The following DPP10 variants were observed in gnomAD, a reference collection of about 807,000 sequenced individuals.
DPP10 encodes dipeptidyl peptidase like 10.
Under a neutral mutation model 120.9 loss-of-function variants are expected in DPP10, and 33 were observed. That is an observed-to-expected ratio of 0.27 (90% CI 0.21 to 0.37). The LOEUF is 0.37. Among genes scored for constraint, DPP10 ranks in the 10% least tolerant of loss-of-function variants. The pLI, the probability that DPP10 is intolerant of heterozygous loss-of-function variation, is 1.00. For missense variants in DPP10, 816 were observed against 942.8 expected (o/e 0.87, Z 1.76); for synonymous variants, 337 against 326.1 (o/e 1.03, Z -0.36).
intron 1 of DPP10, among the ~76,000 whole-genome samples, chr2:115,264,045 A>G (rs973908515): frequency 6.6e-6 from 1 of 152,204 alleles, no homozygotes; most frequent in Non-Finnish European, 1.5e-5. Flanking sequence ...TCCATAGTAA[A>G]TACTCAATAG....
chr2:114,529,100 C>T (rs1162221012), intron 1 of DPP10, among the ~76,000 whole-genome samples: 1 of 152,078 alleles, frequency 6.6e-6, no homozygotes, highest in Non-Finnish European at 1.5e-5. Context: ...TTTGTCAGCT[C>T]TTCTGGTTGC....
intron 1 of DPP10, among the ~76,000 whole-genome samples, chr2:114,791,071 T>C (rs139973885): frequency 1.7e-3 from 265 of 152,304 alleles, no homozygotes; most frequent in African/African-American, 6.1e-3. Context: ...ACTATTCTGG[T>C]ATAAAATATA....
intron 3 of DPP10, among the ~76,000 whole-genome samples, chr2:115,471,910 C>G (rs910688816): frequency 2.0e-5 from 3 of 152,046 alleles, no homozygotes; most frequent in African/African-American, 7.2e-5. Context: ...TGAGCCACTT[C>G]ACTCAGCCAG....
At chr2:115,095,576 TTTTTTTTTG>T (rs1559088412) in intron 1 of DPP10, among the ~76,000 whole-genome samples, 2 of 92,504 alleles carry the variant, frequency 2.2e-5, no homozygotes, top group African/African-American at 7.4e-5. Context: ...TCTGTTTGGT[TTTTTTTTTG>T]TTTTTTTTTT....
chr2:114,911,724 AG>A (rs1050343974), intron 1 of DPP10, among the ~76,000 whole-genome samples: 1 of 152,228 alleles, frequency 6.6e-6, no homozygotes, highest in African/African-American at 2.4e-5. Context: ...AGGAACTGAG[AG>A]AAAGATAAAT....
intron 7 of DPP10, among the ~76,000 whole-genome samples, chr2:115,711,561 T>C (rs980737770): frequency 6.6e-6 from 1 of 152,078 alleles, no homozygotes; most frequent in African/African-American, 2.4e-5. Flanking sequence ...CAATGGAGAT[T>C]TGAAGTGCTA....
chr2:115,179,693 A>G (rs1055606612), intron 1 of DPP10, among the ~76,000 whole-genome samples: 7 of 152,120 alleles, frequency 4.6e-5, no homozygotes, highest in Admixed American at 2.6e-4. Context: ...TGTGTCCTTA[A>G]CTCCTCATAT....
chr2:115,210,558 G>T (rs2056443589), intron 1 of DPP10, among the ~76,000 whole-genome samples: 2 of 152,022 alleles, frequency 1.3e-5, no homozygotes, highest in South Asian at 4.1e-4. Flanking sequence ...TGGGTCAAAT[G>T]GTATTTCTAG....
chr2:115,180,883 A>G (rs1031491489), intron 1 of DPP10, among the ~76,000 whole-genome samples: 1 of 150,626 alleles, frequency 6.6e-6, no homozygotes, highest in African/African-American at 2.4e-5. Context: ...TCTTGATTAT[A>G]ATGATGCTCT....
chr2:114,980,732 A>G (rs1700031223), intron 1 of DPP10, among the ~76,000 whole-genome samples: 1 of 151,994 alleles, frequency 6.6e-6, no homozygotes, highest in Non-Finnish European at 1.5e-5. Context: ...TCCAACTCTT[A>G]ACAATAATGA....
At chr2:114,795,294 C>T (rs1683607432) in intron 1 of DPP10, among the ~76,000 whole-genome samples, 1 of 150,726 alleles carries the variant, frequency 6.6e-6, no homozygotes, top group African/African-American at 2.4e-5. Context: ...ACCAACCTAG[C>T]CAACATGGTG....
chr2:114,583,027 C>A (rs544816752), intron 1 of DPP10, among the ~76,000 whole-genome samples: 101 of 152,260 alleles, frequency 6.6e-4, no homozygotes, highest in Middle Eastern at 3.4e-3. Flanking sequence ...AACAAGTTCC[C>A]AGGTAACAGG....
intron 1 of DPP10, among the ~76,000 whole-genome samples, chr2:115,096,454 G>A (rs1219071621): frequency 1.3e-5 from 2 of 152,144 alleles, no homozygotes; most frequent in Non-Finnish European, 2.9e-5. Context: ...CTTAAGTGAA[G>A]AATGGAGAGA....
intron 1 of DPP10, among the ~76,000 whole-genome samples, chr2:114,686,085 G>A (rs1050700057): frequency 3.9e-5 from 6 of 152,022 alleles, no homozygotes; most frequent in Non-Finnish European, 8.8e-5. Context: ...CATGCAGGCT[G>A]CTTGCTTTCT....
chr2:114,528,501 G>A (rs1685693603), intron 1 of DPP10, among the ~76,000 whole-genome samples: 1 of 151,922 alleles, frequency 6.6e-6, no homozygotes, highest in Non-Finnish European at 1.5e-5. Context: ...TCAAGGCAGG[G>A]ACTGCACTAT....
intron 3 of DPP10, among the ~76,000 whole-genome samples, chr2:115,435,156 A>G (rs1362526170): frequency 6.6e-6 from 1 of 151,748 alleles, no homozygotes; most frequent in African/African-American, 2.4e-5. Flanking sequence ...AAGAGTGCAG[A>G]TATCTCTTCA....
intron 1 of DPP10, among the ~76,000 whole-genome samples, chr2:115,007,494 G>A (rs1234398059): frequency 1.3e-5 from 2 of 151,718 alleles, no homozygotes; most frequent in East Asian, 1.9e-4. Flanking sequence ...AAAACTGGAA[G>A]CATTCCCTTT....
At chr2:115,469,581 G>C (rs1335239113) in intron 3 of DPP10, among the ~76,000 whole-genome samples, 9 of 152,116 alleles carry the variant, frequency 5.9e-5, no homozygotes, top group Non-Finnish European at 1.0e-4. Context: ...TTTTTAAAAA[G>C]TTAACGTCCC....
Position 115,635,490 on chromosome 2 carries a change from C to T in DPP10, c.442-54197C>T, listed in dbSNP as rs189673698. Among the ~76,000 whole-genome samples the T allele has an allele frequency of 7.4e-4, 113 of 152,332 alleles. 1 individual carries two copies. Among genetic ancestry groups the T allele is most frequent in the Non-Finnish European group, 9.6e-4 (65 of 68,026 alleles). ...CTAGGTGGGCTGTGGCACCACTCTG[C>T]TTTTCCTTACTCTCCGTAGGTCACA... On this transcript the variant is annotated intron_variant, in intron 5 of 25. Transcript: ENST00000410059.
Sources: allele counts gnomAD v4.1 joint callset (sites outside exome capture counted in the v4.1 genomes callset), GRCh38; gene constraint gnomAD v4.1.1; transcripts MANE v1.5; gene names NCBI Gene and HGNC (gene_info 2026-07-23, HGNC 2026-07-21).